DLG2: variants seen among roughly 807,000 people sequenced by gnomAD.
The protein encoded by DLG2 is discs large MAGUK scaffold protein 2, also known as disks large homolog 2.
DLG2 carries 45 observed loss-of-function variants against 132.5 expected under a neutral mutation model. That is an observed-to-expected ratio of 0.34 (90% CI 0.27 to 0.44). The LOEUF is 0.44. DLG2 is among the 20% of genes least tolerant of loss of function. The pLI, the probability that DLG2 is intolerant of heterozygous loss-of-function variation, is 1.00. For synonymous variants in DLG2, 424 were observed against 419.6 expected, an observed-to-expected ratio of 1.01 and a Z score of -0.13; for missense variants, 1,045 against 1,196.9, an observed-to-expected ratio of 0.87 and a Z score of 1.87.
At chr11:84,788,720 G>A (rs1598175123) in intron 6 of DLG2, among the ~76,000 whole-genome samples, 2 of 152,224 alleles carry the variant, frequency 1.3e-5, no homozygotes, top group South Asian at 2.1e-4. Flanking sequence ...ATGAGAAAGG[G>A]AAGATTGTCA....
chr11:83,786,576 T>G lies in DLG2; in HGVS notation c.1825+114A>C. ...TGAACCATCAATTTTTCACTATAGGTAGGTTTACAAAACACCAATGATGGT... is the reference window on the plus strand; with the variant it reads ...TGAACCATCAATTTTTCACTATAGGGAGGTTTACAAAACACCAATGATGGT... On this transcript the variant is annotated intron_variant, in intron 18 of 27. Transcript: ENST00000376104. 3 of 889,550 alleles carry G rather than the reference T, an allele frequency of 3.4e-6. No homozygotes were observed. In the East Asian group the frequency reaches 7.9e-5, roughly 23 times the overall value. 55.1% of individuals were successfully genotyped at this position (889,550 alleles called of 1,614,324 possible). A position where few individuals can be genotyped will look rare whatever the true frequency, so the allele number is the denominator to read the frequency against.
At chr11:84,004,897 C>T (rs1258536886) in intron 11 of DLG2, among the ~76,000 whole-genome samples, 2 of 122,878 alleles carry the variant, frequency 1.6e-5, no homozygotes, top group Non-Finnish European at 3.6e-5. Context: ...ATACCAGAGT[C>T]ATTTTTTTTT....
chr11:85,123,559 C>T (rs1202734968), intron 5 of DLG2, among the ~76,000 whole-genome samples: 1 of 152,132 alleles, frequency 6.6e-6, no homozygotes, highest in Non-Finnish European at 1.5e-5. Flanking sequence ...TAGTGGCATA[C>T]AAAGAAATTG....
chr11:83,500,929 C>T (rs2094425538), intron 21 of DLG2, among the ~76,000 whole-genome samples: 1 of 152,056 alleles, frequency 6.6e-6, no homozygotes, highest in Non-Finnish European at 1.5e-5. Flanking sequence ...TTAATTATTT[C>T]ATAAGCCTAA....
chr11:85,628,357 TAGTC>T (rs930791125), upstream of DLG2, among the ~76,000 whole-genome samples: 38 of 152,134 alleles, frequency 2.5e-4, no homozygotes, highest in African/African-American at 8.9e-4. Flanking sequence ...AGCTGATAAA[TAGTC>T]AGGGAAGGAA....
intron 16 of DLG2, among the ~76,000 whole-genome samples, chr11:83,853,522 A>C (rs938012753): frequency 3.3e-5 from 5 of 152,164 alleles, no homozygotes; most frequent in African/African-American, 2.4e-5. Context: ...GGCTTATTAG[A>C]AGAGTAAACT....
At chr11:85,295,678 T>G (rs1290839724) in intron 3 of DLG2, among the ~76,000 whole-genome samples, 1 of 152,134 alleles carries the variant, frequency 6.6e-6, no homozygotes, top group Non-Finnish European at 1.5e-5. Flanking sequence ...ACAAGTATAT[T>G]TTATTGTCAA....
chr11:83,497,796 T>G (rs893361792), intron 21 of DLG2, among the ~76,000 whole-genome samples: 2 of 152,114 alleles, frequency 1.3e-5, no homozygotes, highest in African/African-American at 4.8e-5. Flanking sequence ...AATGGAAAAC[T>G]TTTAAAGATT....
rs529756479 is a variant in DLG2, at chr11:84,403,400, A to G, written c.519+131170T>C. Among the ~76,000 whole-genome samples the G allele has an allele frequency of 1.3e-5, 2 of 152,254 alleles. 1 individual carries two copies. Among genetic ancestry groups the G allele is most frequent in the African/African-American group, 4.8e-5 (2 of 41,542 alleles). ...CCCCAGTTTCCCTGACAGCCAATCA[A>G]TTGCCATTACTGTTTATTTTATCTC... On this transcript the variant is annotated intron_variant, in intron 7 of 27. Transcript: ENST00000376104.
intron 6 of DLG2, among the ~76,000 whole-genome samples, chr11:85,022,196 C>CTA (rs1393258463): frequency 6.6e-6 from 1 of 150,874 alleles, no homozygotes; most frequent in African/African-American, 2.4e-5. Context: ...TAAGGTGAGT[C>CTA]TATATATCAA....
At chr11:84,690,292 AAAGAT>A (rs2057875906) in intron 6 of DLG2, among the ~76,000 whole-genome samples, 1 of 151,938 alleles carries the variant, frequency 6.6e-6, no homozygotes, top group Admixed American at 6.6e-5. Context: ...TTACCACAAA[AAAGAT>A]AAGCTGGTGA....
At chr11:83,847,878 T>C (rs893705315) in intron 16 of DLG2, among the ~76,000 whole-genome samples, 1 of 152,220 alleles carries the variant, frequency 6.6e-6, no homozygotes, top group Admixed American at 6.5e-5. Flanking sequence ...TTTGACATTA[T>C]AAACGTTCCT....
At chr11:83,468,947 T>C (rs186608219) in intron 25 of DLG2, among the ~76,000 whole-genome samples, 41 of 152,166 alleles carry the variant, frequency 2.7e-4, no homozygotes, top group Non-Finnish European at 5.0e-4. Context: ...AGGTTGTGTA[T>C]TGGGGCCTCA....
chr11:84,191,198 C>G (rs1357455885), intron 8 of DLG2, among the ~76,000 whole-genome samples: 1 of 152,068 alleles, frequency 6.6e-6, no homozygotes, highest in Non-Finnish European at 1.5e-5. Flanking sequence ...ATTCAGGTAA[C>G]TGAGTTTTGA....
chr11:84,299,058 C>T (rs1250926434), intron 7 of DLG2, among the ~76,000 whole-genome samples: 2 of 152,282 alleles, frequency 1.3e-5, no homozygotes, highest in East Asian at 1.9e-4. Flanking sequence ...ATTTAAGAAA[C>T]GTTCCACATA....
intron 15 of DLG2, among the ~76,000 whole-genome samples, chr11:83,898,412 A>G (rs1211225507): frequency 6.6e-6 from 1 of 152,008 alleles, no homozygotes; most frequent in East Asian, 1.9e-4. Flanking sequence ...TAAATTATAA[A>G]TTTGTTTTTG....
chr11:85,608,825 G>C (rs568662668), intron 2 of DLG2, among the ~76,000 whole-genome samples: 1 of 152,198 alleles, frequency 6.6e-6, no homozygotes, highest in African/African-American at 2.4e-5. Context: ...CAGGGTCTAG[G>C]GCAAACCTTC....
At chr11:84,782,806 T>C (rs1299772630) in intron 6 of DLG2, among the ~76,000 whole-genome samples, 2 of 152,176 alleles carry the variant, frequency 1.3e-5, no homozygotes, top group African/African-American at 4.8e-5. Flanking sequence ...TCCTACATGG[T>C]CCTATATAGT....
intron 19 of DLG2, among the ~76,000 whole-genome samples, chr11:83,585,208 T>G (rs181608702): frequency 6.6e-6 from 1 of 152,348 alleles, no homozygotes; most frequent in Non-Finnish European, 1.5e-5. Context: ...AAGTAAGATC[T>G]TTAAATGATA....
Sources: gnomAD v4.1 joint callset for allele counts (sites outside exome capture counted in the v4.1 genomes callset) on GRCh38, gnomAD v4.1.1 for gene constraint, MANE v1.5 for transcripts, NCBI Gene and HGNC (gene_info 2026-07-23, HGNC 2026-07-21) for gene names.